The following ARL1 variants were observed in gnomAD, a reference collection of about 807,000 sequenced individuals.
ARL1 encodes the protein ARF like GTPase 1, also known as ADP-ribosylation factor-like protein 1.
Under a neutral mutation model 30.1 loss-of-function variants are expected in ARL1, and 17 were observed. The ratio of observed to expected loss-of-function variants is 0.56; its 90% CI spans 0.39 to 0.85. The LOEUF (loss-of-function observed/expected upper bound fraction) is 0.85. ARL1 is among the 40% of genes least tolerant of loss of function. The pLI, the probability that ARL1 is intolerant of heterozygous loss-of-function variation, is 0.00. For synonymous variants in ARL1, 58 were observed against 71.7 expected (o/e 0.81, Z 0.97); for missense variants, 102 against 212.6 (o/e 0.48, Z 3.24).
At position 101,401,088 on chromosome 12, in the gene ARL1, T is replaced by C. The variant is rs1871293520; in HGVS notation, c.310A>G (p.Lys104Glu). The C allele has an allele frequency of 6.2e-7, 1 of 1,613,734 alleles. No homozygotes were observed. The highest frequency in any genetic ancestry group is 1.3e-5 in the African/African-American group (1 of 74,942). ...SCDRDRIGIS[K>E]SELVAMLEEE... The stretch of plus-strand genomic sequence containing the variant: ...TCCAACATGGCAACTAACTCTGATT[T>C]GGAAATGCCAATTCGGTCTCGGTCA... The change falls in exon 4 of 6, where the codon AAA (lysine) becomes GAA (glutamate). Residue 104 changes from lysine to glutamate, a missense_variant. Coordinates refer to ENST00000261636, the MANE Select transcript of ARL1 (RefSeq NM_001177.6).
chr12:101,397,329 T>C (rs1871177041), intron 4 of ARL1, among the ~76,000 whole-genome samples: 1 of 152,032 alleles, frequency 6.6e-6, no homozygotes, highest in Non-Finnish European at 1.5e-5. Context: ...GGCAGGAGGA[T>C]CGCTTAAGTC....
intron 3 of ARL1, among the ~76,000 whole-genome samples, chr12:101,401,726 G>C (rs1045817157): frequency 1.8e-4 from 27 of 150,580 alleles, no homozygotes; most frequent in African/African-American, 6.4e-4. Flanking sequence ...TCAGACTTCA[G>C]GCTGACAAAA....
intron 5 of ARL1, 57 bp downstream of exon 5, chr12:101,396,342 T>G: frequency 1.2e-6 from 2 of 1,601,398 alleles, no homozygotes; most frequent in Non-Finnish European, 1.7e-6. Context: ...CACGTGGACG[T>G]GCATAGCTGC....
rs1025076394 is a variant in ARL1 at position 101,396,102 on chromosome 12, G to A, written c.515+297C>T. 7.4e-5 allele frequency: 44 copies of A among 591,378 alleles called. No homozygotes were observed. In the South Asian group the frequency reaches 8.8e-4, roughly 12 times the overall value. The allele number at this position is 591,378 out of a possible 1,614,324, so 36.6% of individuals were successfully genotyped here. A position where few individuals can be genotyped will look rare whatever the true frequency, so the allele number is the denominator to read the frequency against. ...GAGATACATTAGGAAAAGCTCTTCA[G>A]AAGAGAGTCTTAAGCTAATTCCTGA... On this transcript the variant is annotated intron_variant, in intron 5 of 5. Coordinates refer to ENST00000261636, the MANE Select transcript of ARL1 (RefSeq NM_001177.6).
chr12:101,401,365 G>A (rs755533234), intron 3 of ARL1, 192 bp from the exon 4 acceptor site: 5 of 442,810 alleles, frequency 1.1e-5, no homozygotes, highest in Admixed American at 7.9e-5. Context: ...GGCTGGGCAC[G>A]GTGGCTCACA....
At position 101,395,224 on chromosome 12, in the gene ARL1, T is replaced by C. The variant is rs1871115563; in HGVS notation, c.*416A>G. 6.3e-6 allele frequency: 1 copy of C among 157,494 alleles called. No individual in the cohort carries two copies. The highest frequency in any genetic ancestry group is 1.4e-5 in the Non-Finnish European group (1 of 71,554). 9.8% of individuals were successfully genotyped at this position (157,494 alleles called of 1,614,324 possible). ...GTTCCTCACCTACTCTCATACTGAG[T>C]CTAATCTTTGGAAAGATAATTCATT... On this transcript the variant is annotated 3_prime_UTR_variant, in exon 6 of 6. Transcript: ENST00000261636.
chr12:101,395,750 G>C, intron 5 of ARL1, 80 bp from the exon 6 acceptor site: 1 of 1,021,660 alleles, frequency 9.8e-7, no homozygotes, highest in Admixed American at 2.1e-5. Context: ...CTTTGTATTG[G>C]AGGTGGATTC....
At chr12:101,402,192 A>G (rs929688726) in intron 3 of ARL1, among the ~76,000 whole-genome samples, 1 of 151,828 alleles carries the variant, frequency 6.6e-6, no homozygotes, top group Non-Finnish European at 1.5e-5. Flanking sequence ...TTATTCATTT[A>G]TTTTTTTTGA....
In ARL1 at chr12:101,395,623, G is replaced by A. The variant is rs891178400; in HGVS notation, c.*17C>T. 2 of 1,574,668 alleles carry A rather than the reference G, an allele frequency of 1.3e-6. No homozygotes were observed. Among genetic ancestry groups the A allele is most frequent in the African/African-American group, 1.3e-5 (1 of 74,396 alleles). ...AGGTGATGTAGTCTTCATTTCAGGG[G>A]AGAAGAATGGACTGAATTACTGTCT... On this transcript the variant is annotated 3_prime_UTR_variant, in exon 6 of 6. Transcript: ENST00000261636.
Sources: allele counts gnomAD v4.1 joint callset (sites outside exome capture counted in the v4.1 genomes callset), GRCh38; gene constraint gnomAD v4.1.1; transcripts MANE v1.5; gene names NCBI Gene and HGNC (gene_info 2026-07-23, HGNC 2026-07-21).